The following SLCO6A1 variants were observed in gnomAD, a reference collection of about 807,000 sequenced individuals.
SLCO6A1 encodes cancer/testis antigen 48.
A neutral mutation model predicts 72.7 loss-of-function variants in SLCO6A1; 65 were observed. That is an observed-to-expected ratio of 0.89 (90% confidence interval 0.73 to 1.10). The LOEUF (loss-of-function observed/expected upper bound fraction) is 1.10. Ranked by LOEUF, SLCO6A1 falls within the 50% of genes least tolerant of loss-of-function variation. The probability of loss-of-function intolerance (pLI) is 0.00; values close to 1 mark genes in which losing one functional copy is unlikely to be tolerated. For synonymous variants in SLCO6A1, 314 were observed against 298.2 expected, an observed-to-expected ratio of 1.05 and a Z score of -0.55; for missense variants, 874 against 872.6, an observed-to-expected ratio of 1.00 and a Z score of -0.02.
intron 10 of SLCO6A1, among the ~76,000 whole-genome samples, chr5:102,395,509 A>T (rs1219838760): frequency 6.6e-6 from 1 of 152,172 alleles, no homozygotes; most frequent in East Asian, 1.9e-4. Flanking sequence ...ATACATGTGC[A>T]TGTGTCTTTA....
intron 12 of SLCO6A1, among the ~76,000 whole-genome samples, chr5:102,379,873 T>A (rs1746015947): frequency 6.6e-6 from 1 of 151,952 alleles, no homozygotes; most frequent in African/African-American, 2.4e-5. Context: ...ATCTGTGAAC[T>A]TTTTCCCATT....
At chr5:102,403,547 C>G (rs1747511679) in intron 9 of SLCO6A1, among the ~76,000 whole-genome samples, 1 of 152,034 alleles carries the variant, frequency 6.6e-6, no homozygotes, top group South Asian at 2.1e-4. Flanking sequence ...ATAGAAAAGA[C>G]TTTATATGCT....
chr5:102,440,491 G>A (rs1749776718), intron 6 of SLCO6A1, among the ~76,000 whole-genome samples: 1 of 152,088 alleles, frequency 6.6e-6, no homozygotes, highest in Non-Finnish European at 1.5e-5. Flanking sequence ...AACAAGCTTA[G>A]GGCTCCCACT....
rs1747287724 is a variant in SLCO6A1, at chr5:102,399,612, A to G, written c.1757T>C (p.Phe586Ser). 2 of 1,604,360 alleles carry G rather than the reference A, an allele frequency of 1.2e-6. No individual in the cohort carries two copies. Among genetic ancestry groups the G allele is most frequent in the Non-Finnish European group, 1.7e-6 (2 of 1,173,944 alleles). The change falls in exon 10 of 14, where the codon TTT becomes TCT. Residue 586 changes from phenylalanine (F) to serine (S), a missense_variant. Physicochemically the swap from Phe to Ser is radical, Grantham distance 155. Coordinates refer to ENST00000506729, the MANE Select transcript of SLCO6A1 (RefSeq NM_173488.5). ...YKLPLFIAFIFSTLIFSGFSG... is the reference protein window; with the variant it reads ...YKLPLFIAFISSTLIFSGFSG... ...AAAACCAGAAAATATAAGTGTAGAA[A>G]AGATAAAAGCAATGAACAAAGGTAA...
rs146676576 is a variant in SLCO6A1, at chr5:102,493,109, C to A, written c.358+5378G>T. Among the ~76,000 whole-genome samples, 251 of 152,092 alleles carry A rather than the reference C, an allele frequency of 1.7e-3. 1 individual carries two copies. The highest frequency in any genetic ancestry group is 5.6e-3 in the African/African-American group (232 of 41,470). ...AAGGGTACATAATGCTGCACAAACT[C>A]TTTCAGAAAAAATGAGGAGGAAAGA... On this transcript the variant is annotated intron_variant, in intron 1 of 13. Coordinates refer to ENST00000506729, the MANE Select transcript of SLCO6A1 (RefSeq NM_173488.5).
chr5:102,388,993 T>C (rs184866412), intron 11 of SLCO6A1, among the ~76,000 whole-genome samples, 168 bp from the exon 12 acceptor site: 94 of 152,274 alleles, frequency 6.2e-4, no homozygotes, highest in African/African-American at 2.1e-3. Context: ...CTGGAAACAA[T>C]GTGAGTTTTC....
chr5:102,496,681 T>C (rs985373815), intron 1 of SLCO6A1, among the ~76,000 whole-genome samples: 8 of 152,210 alleles, frequency 5.3e-5, no homozygotes, highest in Non-Finnish European at 1.2e-4. Context: ...GTCTTTTCCT[T>C]TCTTTTAAAA....
intron 12 of SLCO6A1, among the ~76,000 whole-genome samples, chr5:102,380,799 C>T (rs1337655996): frequency 2.0e-5 from 3 of 151,852 alleles, no homozygotes; most frequent in Admixed American, 6.6e-5. Context: ...TGGCAAATGT[C>T]CTTCATATTG....
chr5:102,486,155 A>G (rs573383618), intron 1 of SLCO6A1, among the ~76,000 whole-genome samples: 6 of 152,312 alleles, frequency 3.9e-5, no homozygotes, highest in African/African-American at 7.2e-5. Context: ...AGTTCATTCA[A>G]TTCAATTTAC....
At chr5:102,475,316 TATTTA>T (rs1350996691) in intron 4 of SLCO6A1, among the ~76,000 whole-genome samples, 1 of 152,096 alleles carries the variant, frequency 6.6e-6, no homozygotes, top group Non-Finnish European at 1.5e-5. Flanking sequence ...TTCAAAATAT[TATTTA>T]AAGTGAAATA....
rs185865799 is a variant in SLCO6A1, at chr5:102,477,980, T to C, written c.617-119A>G. On this transcript the variant is annotated intron_variant, in intron 2 of 13. Transcript: ENST00000506729. ...CCAAAATTATGCTTTTTTCTTTTAG[T>C]TAACATTTCATTTACATTGAATGTA... 807 of 934,658 alleles carry C rather than the reference T, an allele frequency of 8.6e-4. 13 individuals are homozygous for C. In the Admixed American group the frequency reaches 0.019, roughly 22 times the overall value. 57.9% of individuals were successfully genotyped at this position (934,658 alleles called of 1,614,324 possible).
chr5:102,484,075 G>T (rs74471180), intron 1 of SLCO6A1, among the ~76,000 whole-genome samples: 4,165 of 152,206 alleles, frequency 0.027, 183 homozygotes, highest in African/African-American at 0.095. Flanking sequence ...GCAGTTAAAG[G>T]TTCCACCACA....
At chr5:102,475,897 A>T in intron 3 of SLCO6A1, 104 bp from the exon 4 acceptor site, 1 of 769,140 alleles carries the variant, frequency 1.3e-6, no homozygotes, top group African/African-American at 1.7e-5. Context: ...TTTTCATAGC[A>T]TTCTGTATTA....
chr5:102,413,319 A>G (rs904916007), intron 8 of SLCO6A1, among the ~76,000 whole-genome samples, 176 bp from the exon 9 acceptor site: 5 of 152,170 alleles, frequency 3.3e-5, no homozygotes, highest in Admixed American at 3.3e-4. Flanking sequence ...AAATTTGAAG[A>G]TTTTTGATAT....
At chr5:102,485,215 C>A (rs1427328484) in intron 1 of SLCO6A1, among the ~76,000 whole-genome samples, 1 of 151,768 alleles carries the variant, frequency 6.6e-6, no homozygotes, top group Non-Finnish European at 1.5e-5. Context: ...TGCACCATTG[C>A]ATTCCAGTCT....
At chr5:102,387,336 A>T (rs116289874) in intron 12 of SLCO6A1, among the ~76,000 whole-genome samples, 1,975 of 152,282 alleles carry the variant, frequency 0.013, 16 homozygotes, top group South Asian at 0.039. Context: ...GTTTTTAATT[A>T]TTCGTATCTC....
chr5:102,402,614 C>A (rs943116958), intron 9 of SLCO6A1, among the ~76,000 whole-genome samples: 4 of 152,108 alleles, frequency 2.6e-5, no homozygotes, highest in African/African-American at 9.6e-5. Flanking sequence ...CATCTCATGG[C>A]AGAAGGCAAA....
intron 6 of SLCO6A1, among the ~76,000 whole-genome samples, chr5:102,452,174 T>A (rs1248653061): frequency 6.6e-6 from 1 of 152,194 alleles, no homozygotes; most frequent in East Asian, 1.9e-4. Context: ...AAATATATAG[T>A]CCCTGTAATA....
rs1753019741 is a variant in SLCO6A1 at position 102,498,618 on chromosome 5, T to C, written c.227A>G (p.Lys76Arg). Residue 76 changes from lysine to arginine, a missense_variant, in exon 1 of 14, where the codon AAG (lysine) becomes AGG (arginine). Lys to Arg is a conservative substitution (Grantham distance 26, BLOSUM62 2). Transcript: ENST00000506729. ...KRKKAKSSVS[K>R]KPGEVDDSLE... ...ACTGTCATCCACTTCTCCCGGCTTC[T>C]TGGAAACTGAGGACTTGGCTTTTTT... 6.2e-7 allele frequency: 1 copy of C among 1,614,134 alleles called. No individual in the cohort carries two copies. The highest frequency in any genetic ancestry group is 8.5e-7 in the Non-Finnish European group (1 of 1,180,064).
Sources: gnomAD v4.1 joint callset for allele counts (sites outside exome capture counted in the v4.1 genomes callset) on GRCh38, gnomAD v4.1.1 for gene constraint, MANE v1.5 for transcripts, NCBI Gene and HGNC (gene_info 2026-07-23, HGNC 2026-07-21) for gene names.